RALYL: variants seen among roughly 807,000 people sequenced by gnomAD.
RALYL encodes the protein RALY RNA binding protein like.
Under a neutral mutation model 35.1 loss-of-function variants are expected in RALYL, and 29 were observed. The ratio of observed to expected loss-of-function variants is 0.83; its 90% CI spans 0.61 to 1.13. The LOEUF (loss-of-function observed/expected upper bound fraction) is 1.13. RALYL is among the 50% of genes most tolerant of loss of function. RALYL has a pLI of 0.00. For synonymous variants in RALYL, 120 were observed against 127.6 expected (o/e 0.94, Z 0.40); for missense variants, 359 against 360.4 (o/e 1.00, Z 0.03).
chr8:84,423,456 A>G (rs2045933570), intron 1 of RALYL, among the ~76,000 whole-genome samples: 1 of 151,748 alleles, frequency 6.6e-6, no homozygotes. Context: ...TGCACATGAG[A>G]TGGTTTTCCT....
intron 2 of RALYL, among the ~76,000 whole-genome samples, chr8:84,636,467 C>A (rs965042102): frequency 6.6e-6 from 1 of 151,718 alleles, no homozygotes; most frequent in Admixed American, 6.6e-5. Flanking sequence ...ATAAAAGTAT[C>A]CAAAAGCAAC....
At chr8:84,841,559 C>G (rs372641761) in intron 4 of RALYL, among the ~76,000 whole-genome samples, 4 of 152,102 alleles carry the variant, frequency 2.6e-5, no homozygotes, top group African/African-American at 9.7e-5. Context: ...GACAGATCAA[C>G]GAGACAGAAA....
In RALYL at chr8:84,798,676, T is replaced by C. The variant is rs538065335; in HGVS notation, c.333-6094T>C. Among the ~76,000 whole-genome samples, 10 of 152,342 alleles carry C rather than the reference T, an allele frequency of 6.6e-5. No individual in the cohort carries two copies. The East Asian group carries it at 1.9e-3, about 29-fold the overall frequency. On this transcript the variant is annotated intron_variant, in intron 3 of 8. Transcript: ENST00000521268. Reference sequence around the variant, plus strand: ...AAAGAACAGATCAGATAATGGTAAGTAGTATCACTGCCTGGAAATTTTAAC... The same window carrying C: ...AAAGAACAGATCAGATAATGGTAAGCAGTATCACTGCCTGGAAATTTTAAC...
intron 2 of RALYL, among the ~76,000 whole-genome samples, chr8:84,701,240 C>T (rs1469998580): frequency 6.6e-6 from 1 of 152,122 alleles, no homozygotes; most frequent in Non-Finnish European, 1.5e-5. Context: ...CTGATTGAAG[C>T]CCCTGCTGGG....
At chr8:84,883,142 T>G (rs540417166) in intron 7 of RALYL, among the ~76,000 whole-genome samples, 1 of 152,120 alleles carries the variant, frequency 6.6e-6, no homozygotes, top group East Asian at 1.9e-4. Context: ...AATTAAAGCT[T>G]TTTTTTCCCT....
At chr8:84,877,852 G>C (rs1398153676) in intron 7 of RALYL, among the ~76,000 whole-genome samples, 2 of 152,114 alleles carry the variant, frequency 1.3e-5, no homozygotes, top group Non-Finnish European at 1.5e-5. Flanking sequence ...TACCATTTCT[G>C]TTCTGAATAC....
chr8:84,601,713 T>C (rs1816005472), intron 2 of RALYL, among the ~76,000 whole-genome samples: 1 of 152,062 alleles, frequency 6.6e-6, no homozygotes, highest in African/African-American at 2.4e-5. Context: ...CCCATGTTTA[T>C]TGTTAGGAGA....
At chr8:84,805,375 A>C (rs746680819) in intron 4 of RALYL, among the ~76,000 whole-genome samples, 9 of 152,200 alleles carry the variant, frequency 5.9e-5, no homozygotes, top group Admixed American at 2.0e-4. Flanking sequence ...CTTCTTAGTC[A>C]CAATACATAT....
At chr8:84,306,129 A>T (rs1586125136) in intron 1 of RALYL, among the ~76,000 whole-genome samples, 1 of 150,994 alleles carries the variant, frequency 6.6e-6, no homozygotes, top group South Asian at 2.1e-4. Context: ...GCGCCACTGC[A>T]CCCCAGCCTG....
At chr8:84,273,491 A>G (rs1411328975) in intron 1 of RALYL, among the ~76,000 whole-genome samples, 1 of 152,214 alleles carries the variant, frequency 6.6e-6, no homozygotes, top group African/African-American at 2.4e-5. Flanking sequence ...CCTGCCACAT[A>G]CTTTTCAACA....
chr8:84,316,614 G>A (rs1274731904), intron 1 of RALYL, among the ~76,000 whole-genome samples: 1 of 151,966 alleles, frequency 6.6e-6, no homozygotes. Flanking sequence ...TGTTTTCCTG[G>A]CAGATCTATT....
At chr8:84,892,079 G>A (rs118116995) in intron 8 of RALYL, among the ~76,000 whole-genome samples, 1 of 152,138 alleles carries the variant, frequency 6.6e-6, no homozygotes, top group Non-Finnish European at 1.5e-5. Context: ...TTGTGAGGTG[G>A]TGAGAAGCCA....
chr8:84,337,416 A>T (rs1848000505), intron 1 of RALYL, among the ~76,000 whole-genome samples: 1 of 152,124 alleles, frequency 6.6e-6, no homozygotes, highest in Admixed American at 6.6e-5. Context: ...GGAACACTTA[A>T]TTCAGAATTG....
At chr8:84,782,639 A>G (rs553087427) in intron 3 of RALYL, among the ~76,000 whole-genome samples, 1 of 152,280 alleles carries the variant, frequency 6.6e-6, no homozygotes, top group South Asian at 2.1e-4. Flanking sequence ...GACTCACATT[A>G]TGATCTTTTA....
chr8:84,215,484 T>C (rs914405673), intron 1 of RALYL, among the ~76,000 whole-genome samples: 1 of 152,082 alleles, frequency 6.6e-6, no homozygotes, highest in Non-Finnish European at 1.5e-5. Flanking sequence ...ATTATATTTA[T>C]ATATGGATAT....
intron 3 of RALYL, among the ~76,000 whole-genome samples, chr8:84,802,514 C>T (rs190008868): frequency 5.9e-5 from 9 of 152,022 alleles, no homozygotes; most frequent in African/African-American, 2.2e-4. Flanking sequence ...GCTAGTCAGA[C>T]AAATCATACT....
chr8:84,872,083 A>G (rs1341579908), intron 6 of RALYL, among the ~76,000 whole-genome samples: 3 of 152,314 alleles, frequency 2.0e-5, no homozygotes, highest in East Asian at 1.9e-4. Context: ...CTGGAAACAA[A>G]TAAGTATCCA....
chr8:84,580,700 A>G (rs1368784492), intron 2 of RALYL, among the ~76,000 whole-genome samples: 1 of 152,226 alleles, frequency 6.6e-6, no homozygotes, highest in African/African-American at 2.4e-5. Context: ...AATGTCCAGT[A>G]ATAGTAATGT....
At chr8:84,313,239 C>T (rs557557249) in intron 1 of RALYL, among the ~76,000 whole-genome samples, 7 of 152,190 alleles carry the variant, frequency 4.6e-5, no homozygotes, top group East Asian at 1.9e-4. Context: ...ACCTGGCCCA[C>T]GAAACCATTT....
Sources: gnomAD v4.1 joint callset for allele counts (sites outside exome capture counted in the v4.1 genomes callset) on GRCh38, gnomAD v4.1.1 for gene constraint, MANE v1.5 for transcripts, NCBI Gene and HGNC (gene_info 2026-07-23, HGNC 2026-07-21) for gene names.